Variants in SMIM36 observed in about 807,000 individuals in gnomAD.
The protein encoded by SMIM36 is small integral membrane protein 36.
intron 1 of SMIM36, among the ~76,000 whole-genome samples, chr17:55,509,246 G>A (rs974990007): frequency 4.6e-5 from 7 of 152,220 alleles, no homozygotes; most frequent in Admixed American, 2.6e-4. Context: ...AATTTCTCAC[G>A]TTTTCTTCAC....
At chr17:55,523,673 G>T in the SMIM36 span, among the ~76,000 whole-genome samples, 1 of 152,102 alleles carries the variant, frequency 6.6e-6, no homozygotes, top group Admixed American at 6.5e-5. Context: ...AGAAAAATAG[G>T]TTTCTGCTGT....
intron 4 of SMIM36, among the ~76,000 whole-genome samples, chr17:55,451,835 G>C (rs568539908): frequency 1.3e-5 from 2 of 152,254 alleles, no homozygotes; most frequent in Non-Finnish European, 2.9e-5. Context: ...AGGGGCTGAT[G>C]CCTGTAATCC....
chr17:55,460,209 C>T (rs897952817), intron 4 of SMIM36, among the ~76,000 whole-genome samples: 14 of 152,052 alleles, frequency 9.2e-5, no homozygotes, highest in African/African-American at 3.4e-4. Flanking sequence ...GCAGGTGGAT[C>T]ACAAGGTCAG....
chr17:55,469,499 C>G (rs1250321614), intron 3 of SMIM36, among the ~76,000 whole-genome samples: 1 of 152,198 alleles, frequency 6.6e-6, no homozygotes, highest in East Asian at 1.9e-4. Context: ...ATCACCCAGT[C>G]CACTCCTGAC....
chr17:55,507,525 C>T (rs931866249), intron 1 of SMIM36, among the ~76,000 whole-genome samples: 9 of 106,824 alleles, frequency 8.4e-5, no homozygotes, highest in African/African-American at 3.5e-4. Flanking sequence ...GGGAATTGAA[C>T]AATGAGATCA....
intron 1 of SMIM36, among the ~76,000 whole-genome samples, chr17:55,487,275 A>G (rs1362540283): frequency 6.6e-6 from 1 of 152,228 alleles, no homozygotes; most frequent in Non-Finnish European, 1.5e-5. Flanking sequence ...TGGGTGCAGC[A>G]AAACAACATG....
exon 1 of SMIM36, chr17:55,511,093 C>A: frequency 2.5e-6 from 1 of 398,570 alleles, no homozygotes; most frequent in South Asian, 1.3e-4. Flanking sequence ...AGCAGGATCC[C>A]CCAAAGAAAG....
At chr17:55,452,121 AAAAGGAAACACTTT>A (rs1411333905) in intron 4 of SMIM36, among the ~76,000 whole-genome samples, 1 of 69,588 alleles carries the variant, frequency 1.4e-5, no homozygotes, top group Non-Finnish European at 3.4e-5. Context: ...AAAAAAAAAA[AAAAGGAAACACTTT>A]TAATAAGCCT....
At position 55,500,772 on chromosome 17, in the gene SMIM36, A is replaced by G. The variant is rs1909897416; in HGVS notation, c.*174+10107T>C. On this transcript the variant is annotated intron_variant, in intron 1 of 4. Transcript: ENST00000636752. ...ATTTCACTTATGTTTTATATTTTAT[A>G]ATATATAATATATTATTATATATTT... 2.7e-5 allele frequency among the ~76,000 whole-genome samples: 2 copies of G among 74,320 alleles called. 1 individual carries two copies. The highest frequency in any genetic ancestry group is 7.3e-4 in the South Asian group (2 of 2,738). 48.8% of individuals were successfully genotyped at this position (74,320 alleles called of 152,430 possible). A position where few individuals can be genotyped will look rare whatever the true frequency, so the allele number is the denominator to read the frequency against.
intron 3 of SMIM36, among the ~76,000 whole-genome samples, chr17:55,474,317 G>A (rs894780465): frequency 1.3e-5 from 2 of 152,176 alleles, no homozygotes; most frequent in African/African-American, 2.4e-5. Flanking sequence ...GTCCTGTGGA[G>A]CATCCCTGCA....
chr17:55,501,357 AATATATAATATATTAT>A (rs1475121650), intron 1 of SMIM36, among the ~76,000 whole-genome samples: 3 of 81,692 alleles, frequency 3.7e-5, no homozygotes, highest in Non-Finnish European at 6.3e-5. Flanking sequence ...TATATTTTAT[AATATATAATATATTAT>A]ATATTATAGA....
the SMIM36 span, among the ~76,000 whole-genome samples, chr17:55,519,541 A>G: frequency 6.6e-6 from 1 of 152,216 alleles, no homozygotes; most frequent in South Asian, 2.1e-4. Flanking sequence ...CAATGACAAG[A>G]TGTAGGGAAG....
chr17:55,516,946 C>T, the SMIM36 span, among the ~76,000 whole-genome samples: 8,041 of 152,160 alleles, frequency 0.053, 692 homozygotes, highest in African/African-American at 0.18. Flanking sequence ...CCTGAGAAGA[C>T]GCTTCTCCCC....
the SMIM36 span, among the ~76,000 whole-genome samples, chr17:55,528,534 T>G: frequency 6.6e-6 from 1 of 150,954 alleles, no homozygotes; most frequent in Non-Finnish European, 1.5e-5. Flanking sequence ...TTCAAGGAAG[T>G]CTTTTTTTTT....
intron 4 of SMIM36, among the ~76,000 whole-genome samples, chr17:55,466,680 C>T (rs762369461): frequency 4.6e-5 from 7 of 152,038 alleles, no homozygotes; most frequent in Non-Finnish European, 7.4e-5. Flanking sequence ...CTTTCCAGGC[C>T]GAGAGAGTGG....
chr17:55,493,245 T>C (rs1197251152), intron 1 of SMIM36, among the ~76,000 whole-genome samples: 4 of 152,202 alleles, frequency 2.6e-5, no homozygotes, highest in Admixed American at 2.6e-4. Context: ...AAACATGCCA[T>C]AGCCAAAAGG....
chr17:55,526,133 A>G, the SMIM36 span, among the ~76,000 whole-genome samples: 1 of 151,758 alleles, frequency 6.6e-6, no homozygotes, highest in Non-Finnish European at 1.5e-5. Context: ...CAATACTACT[A>G]TTATTATTAT....
intron 3 of SMIM36, among the ~76,000 whole-genome samples, chr17:55,468,588 C>T (rs1909284631): frequency 6.6e-6 from 1 of 152,156 alleles, no homozygotes; most frequent in African/African-American, 2.4e-5. Context: ...CACCCACTCA[C>T]CACATTCCCT....
intron 3 of SMIM36, among the ~76,000 whole-genome samples, chr17:55,476,600 G>A (rs904459595): frequency 3.3e-5 from 5 of 151,366 alleles, no homozygotes; most frequent in Admixed American, 6.6e-5. Context: ...ACAGAGTCTC[G>A]CTCTGTCACC....
Sources: allele counts gnomAD v4.1 joint callset (sites outside exome capture counted in the v4.1 genomes callset), GRCh38; gene constraint gnomAD v4.1.1; transcripts MANE v1.5; gene names NCBI Gene and HGNC (gene_info 2026-07-23, HGNC 2026-07-21).